The following SRSF11 variants were observed in gnomAD, a reference collection of about 807,000 sequenced individuals.
SRSF11 encodes the protein serine and arginine rich splicing factor 11, also known as serine/arginine-rich splicing factor 11.
SRSF11 carries 9 observed loss-of-function variants against 56.0 expected under a neutral mutation model. The observed-to-expected ratio is 0.16, with a 90% confidence interval of 0.10 to 0.28. The LOEUF is 0.28. SRSF11 is among the 10% of genes least tolerant of loss of function. The probability of loss-of-function intolerance (pLI) is 1.00; values close to 1 mark genes in which losing one functional copy is unlikely to be tolerated. For synonymous variants in SRSF11, 222 were observed against 215.3 expected (o/e 1.03, Z -0.27); for missense variants, 421 against 600.7 (o/e 0.70, Z 3.13).
intron 7 of SRSF11, among the ~76,000 whole-genome samples, chr1:70,242,165 TA>T (rs369129508): frequency 0.068 from 9,195 of 135,840 alleles, 320 homozygotes; most frequent in Non-Finnish European, 0.09. Context: ...GACTCCGTCT[TA>T]AAAAAAAAAA....
chr1:70,222,429 A>G (rs1237966417), intron 1 of SRSF11, among the ~76,000 whole-genome samples: 1 of 152,246 alleles, frequency 6.6e-6, no homozygotes, highest in African/African-American at 2.4e-5. Flanking sequence ...TTTGAATAAT[A>G]TACAGATTTG....
At chr1:70,247,718 TA>T (rs1677076235) in intron 9 of SRSF11, among the ~76,000 whole-genome samples, 1 of 152,112 alleles carries the variant, frequency 6.6e-6, no homozygotes, top group African/African-American at 2.4e-5. Context: ...CACCAAAAGT[TA>T]AAACATTTGT....
intron 1 of SRSF11, among the ~76,000 whole-genome samples, chr1:70,215,850 T>C (rs540476165): frequency 6.6e-6 from 1 of 152,228 alleles, no homozygotes; most frequent in Non-Finnish European, 1.5e-5. Flanking sequence ...TGGCACAATC[T>C]TGAGTCACCA....
chr1:70,208,673 C>T (rs571513575), intron 1 of SRSF11, among the ~76,000 whole-genome samples: 1 of 152,210 alleles, frequency 6.6e-6, no homozygotes, highest in Non-Finnish European at 1.5e-5. Flanking sequence ...GCAGATTGAG[C>T]AAGTTACAGT....
rs1670731753 is a variant in SRSF11 at position 70,221,933 on chromosome 1, G to A, written c.203+94G>A. ...CTTAGGCCCCTGTCGCTGCTTCCCC[G>A]GGCCAGGCTGCTTGAGTGGCTGGTG... On this transcript the variant is annotated intron_variant, in intron 1 of 11. Transcript: ENST00000370949. 5 of 1,522,770 alleles carry A rather than the reference G, an allele frequency of 3.3e-6. No individual in the cohort carries two copies. In the East Asian group the frequency reaches 1.2e-4, roughly 36 times the overall value. 94.3% of individuals were successfully genotyped at this position (1,522,770 alleles called of 1,614,324 possible). A position where few individuals can be genotyped will look rare whatever the true frequency, so the allele number is the denominator to read the frequency against.
intron 1 of SRSF11, among the ~76,000 whole-genome samples, chr1:70,224,696 T>A (rs1363439607): frequency 3.3e-5 from 5 of 152,222 alleles, no homozygotes; most frequent in African/African-American, 1.2e-4. Context: ...CCAGAATTTC[T>A]GGCCTGTAAT....
rs1362552943 is a variant in SRSF11, at chr1:70,221,725, G to A, written c.89G>A (p.Gly30Asp). Residue 30 changes from glycine (G) to aspartate (D), a missense_variant, in exon 1 of 12, where the codon GGC becomes GAC. Gly to Asp is a moderately conservative substitution (Grantham distance 94, BLOSUM62 -1). This residue lies in a region of SRSF11 where 168 missense variants were observed against 294.9 expected (regional missense o/e 0.57). Transcript: ENST00000370949. ...GGGGGGGGGG[G>D]GTEVIQVTNV... ...GGAGGTGGTGGTGGCGGCGGAGGCG[G>A]CGGCACCGAGGTAATCCAGGTGACT... 1 of 1,614,010 alleles carries A rather than the reference G, an allele frequency of 6.2e-7. No individual in the cohort carries two copies. The highest frequency in any genetic ancestry group is 1.1e-5 in the South Asian group (1 of 91,084).
intron 8 of SRSF11, chr1:70,246,582 C>G: frequency 3.2e-6 from 1 of 315,184 alleles, no homozygotes; most frequent in Non-Finnish European, 5.9e-6. Context: ...ATTTTCTCAC[C>G]CATAGTCTAC....
At chr1:70,224,729 A>C (rs1012096185) in intron 1 of SRSF11, among the ~76,000 whole-genome samples, 1 of 152,224 alleles carries the variant, frequency 6.6e-6, no homozygotes, top group Non-Finnish European at 1.5e-5. Context: ...TAGAAATACT[A>C]TCTTTACAAT....
intron 1 of SRSF11, among the ~76,000 whole-genome samples, chr1:70,225,756 A>T (rs1280823583): frequency 6.6e-6 from 1 of 152,180 alleles, no homozygotes; most frequent in African/African-American, 2.4e-5. Context: ...CAGAAGTGGC[A>T]TGCAGGACTC....
At chr1:70,232,879 C>CT (rs1673120127) in intron 3 of SRSF11, among the ~76,000 whole-genome samples, 1 of 152,184 alleles carries the variant, frequency 6.6e-6, no homozygotes, top group South Asian at 2.1e-4. Flanking sequence ...GTTTCTAACA[C>CT]TGACAGTGCT....
chr1:70,233,632 T>G (rs1673319998), intron 3 of SRSF11, among the ~76,000 whole-genome samples: 1 of 152,226 alleles, frequency 6.6e-6, no homozygotes, highest in African/African-American at 2.4e-5. Context: ...ACACAGCATT[T>G]TGCCTGTTAC....
chr1:70,213,932 A>G (rs1374168690), intron 1 of SRSF11, among the ~76,000 whole-genome samples: 1 of 152,206 alleles, frequency 6.6e-6, no homozygotes, highest in African/African-American at 2.4e-5. Flanking sequence ...AAAGCATTCA[A>G]TTAATGTAAT....
chr1:70,231,252 C>A (rs1216430645), intron 2 of SRSF11: 1 of 1,198,378 alleles, frequency 8.3e-7, no homozygotes, highest in African/African-American at 1.6e-5. Context: ...TACAGAAATA[C>A]TACTGGTATT....
chr1:70,241,665 A>G (rs1571879456), intron 7 of SRSF11, among the ~76,000 whole-genome samples: 1 of 152,154 alleles, frequency 6.6e-6, no homozygotes, highest in Non-Finnish European at 1.5e-5. Flanking sequence ...TTATGTCTTC[A>G]TGTTTCTGCT....
chr1:70,238,049 A>G (rs1467802202), intron 6 of SRSF11, among the ~76,000 whole-genome samples: 2 of 152,168 alleles, frequency 1.3e-5, no homozygotes, highest in African/African-American at 4.8e-5. Context: ...CTGCCCATAT[A>G]TATTTAGATC....
At chr1:70,224,332 T>C (rs1671304692) in intron 1 of SRSF11, among the ~76,000 whole-genome samples, 1 of 152,182 alleles carries the variant, frequency 6.6e-6, no homozygotes, top group Non-Finnish European at 1.5e-5. Context: ...CATGCTTAAC[T>C]ACTTTTATTT....
chr1:70,220,118 C>CAATGTG (rs1670386779), upstream of SRSF11, among the ~76,000 whole-genome samples: 1 of 152,216 alleles, frequency 6.6e-6, no homozygotes, highest in South Asian at 2.1e-4. Flanking sequence ...AGGTTCTGGA[C>CAATGTG]TGACCCAGGA....
chr1:70,212,772 T>A (rs1045682695), intron 1 of SRSF11, among the ~76,000 whole-genome samples: 1 of 152,194 alleles, frequency 6.6e-6, no homozygotes, highest in Non-Finnish European at 1.5e-5. Context: ...TAGTCATCAA[T>A]TGAAAAGATG....
Sources: allele counts gnomAD v4.1 joint callset (sites outside exome capture counted in the v4.1 genomes callset), GRCh38; gene constraint gnomAD v4.1.1; regional missense constraint gnomAD v4.1.1; transcripts MANE v1.5; gene names NCBI Gene and HGNC (gene_info 2026-07-23, HGNC 2026-07-21).